The following PTPRD variants were observed in gnomAD, a reference collection of about 807,000 sequenced individuals.
The protein encoded by PTPRD is receptor-type tyrosine-protein phosphatase delta.
PTPRD carries 34 observed loss-of-function variants against 214.5 expected under a neutral mutation model. That is an observed-to-expected ratio of 0.16 (90% CI 0.12 to 0.21). The LOEUF is 0.21. PTPRD is among the 10% of genes least tolerant of loss of function. The pLI is 1.00. For missense variants in PTPRD, 2,545 were observed against 2,398.7 expected (o/e 1.06, Z -1.27); for synonymous variants, 1,128 against 845.7 (o/e 1.33, Z -5.79).
chr9:10,068,261 A>T (rs924506123), intron 3 of PTPRD, among the ~76,000 whole-genome samples: 12 of 151,924 alleles, frequency 7.9e-5, no homozygotes, highest in African/African-American at 2.9e-4. Context: ...CGAATGTGGA[A>T]AAGGTGGTGA....
At chr9:8,983,139 T>A (rs1251385754) in intron 11 of PTPRD, among the ~76,000 whole-genome samples, 1 of 152,106 alleles carries the variant, frequency 6.6e-6, no homozygotes, top group Non-Finnish European at 1.5e-5. Context: ...AACATTTTAG[T>A]GGCTTTTCAT....
chr9:9,772,274 T>C (rs1240399945), intron 5 of PTPRD, among the ~76,000 whole-genome samples: 3 of 152,198 alleles, frequency 2.0e-5, no homozygotes, highest in Non-Finnish European at 2.9e-5. Flanking sequence ...AAATTAACCT[T>C]GCTGATAGCT....
At chr9:9,735,967 G>T (rs2098285887) in intron 6 of PTPRD, among the ~76,000 whole-genome samples, 1 of 152,082 alleles carries the variant, frequency 6.6e-6, no homozygotes, top group South Asian at 2.1e-4. Context: ...TAAACACCTT[G>T]AAGTTAACCA....
intron 2 of PTPRD, among the ~76,000 whole-genome samples, chr9:10,370,192 A>G (rs1598322780): frequency 6.6e-6 from 1 of 152,040 alleles, no homozygotes; most frequent in Non-Finnish European, 1.5e-5. Context: ...TGAGAACATT[A>G]TTTATTTTCA....
chr9:9,499,383 T>C (rs1034113509), intron 8 of PTPRD, among the ~76,000 whole-genome samples: 1 of 152,098 alleles, frequency 6.6e-6, no homozygotes, highest in Non-Finnish European at 1.5e-5. Context: ...CCACTCTGTA[T>C]TTTCTTATAT....
At chr9:8,641,705 G>A (rs747047242) in intron 12 of PTPRD, among the ~76,000 whole-genome samples, 1 of 152,200 alleles carries the variant, frequency 6.6e-6, no homozygotes, top group Non-Finnish European at 1.5e-5. Flanking sequence ...ACAGGCCATA[G>A]CTCCTGGAAT....
At chr9:9,286,019 C>T (rs1949238289) in intron 9 of PTPRD, among the ~76,000 whole-genome samples, 1 of 151,730 alleles carries the variant, frequency 6.6e-6, no homozygotes, top group African/African-American at 2.4e-5. Flanking sequence ...TTTCCATTGC[C>T]ATCCCCCACC....
intron 33 of PTPRD, among the ~76,000 whole-genome samples, chr9:8,456,116 A>G (rs2096190449): frequency 6.6e-6 from 1 of 152,180 alleles, no homozygotes; most frequent in African/African-American, 2.4e-5. Context: ...ACTTGTATAC[A>G]TTTAATTATT....
At chr9:8,678,999 A>G (rs2154370806) in intron 12 of PTPRD, among the ~76,000 whole-genome samples, 1 of 152,348 alleles carries the variant, frequency 6.6e-6, no homozygotes, top group East Asian at 1.9e-4. Context: ...TGCAAATCAG[A>G]AAAACAATCT....
At chr9:8,565,668 G>GA (rs1323953424) in intron 14 of PTPRD, among the ~76,000 whole-genome samples, 4 of 152,018 alleles carry the variant, frequency 2.6e-5, no homozygotes, top group Non-Finnish European at 5.9e-5. Context: ...AAGGAAAAAA[G>GA]AAAAAATACA....
chr9:8,605,939 TTTTG>T (rs1182462849), intron 14 of PTPRD, among the ~76,000 whole-genome samples: 10 of 152,296 alleles, frequency 6.6e-5, no homozygotes, highest in Admixed American at 2.6e-4. Context: ...CTTTGGGTTT[TTTTG>T]TTTTTGTTTT....
At chr9:8,789,048 A>G (rs777625914) in intron 11 of PTPRD, among the ~76,000 whole-genome samples, 1 of 152,220 alleles carries the variant, frequency 6.6e-6, no homozygotes, top group Non-Finnish European at 1.5e-5. Flanking sequence ...TATAAGAAGC[A>G]GTACTGTGAG....
At chr9:9,925,388 G>C (rs182397011) in intron 5 of PTPRD, among the ~76,000 whole-genome samples, 1 of 152,034 alleles carries the variant, frequency 6.6e-6, no homozygotes, top group African/African-American at 2.4e-5. Flanking sequence ...TCTAACAGGA[G>C]GGTGACTGCT....
At chr9:9,992,818 G>A (rs1010762571) in intron 4 of PTPRD, among the ~76,000 whole-genome samples, 3 of 151,772 alleles carry the variant, frequency 2.0e-5, no homozygotes, top group South Asian at 2.1e-4. Context: ...GGAGAGGGGG[G>A]AGGGATAGCA....
intron 2 of PTPRD, among the ~76,000 whole-genome samples, chr9:10,573,142 C>T (rs1044183140): frequency 1.1e-4 from 17 of 151,996 alleles, no homozygotes; most frequent in African/African-American, 4.1e-4. Flanking sequence ...CCAACACCTC[C>T]CCCACAAAAA....
chr9:10,501,663 G>C (rs1409258314), intron 2 of PTPRD, among the ~76,000 whole-genome samples: 1 of 151,968 alleles, frequency 6.6e-6, no homozygotes, highest in Non-Finnish European at 1.5e-5. Context: ...GTATTCTTAA[G>C]AATATATTAT....
intron 10 of PTPRD, among the ~76,000 whole-genome samples, chr9:9,037,212 T>G (rs2099624791): frequency 6.6e-6 from 1 of 152,108 alleles, no homozygotes. Context: ...GAAAGGATTT[T>G]AGAGATAATT....
At chr9:10,325,634 G>A (rs2096629760) in intron 3 of PTPRD, among the ~76,000 whole-genome samples, 1 of 151,866 alleles carries the variant, frequency 6.6e-6, no homozygotes, top group African/African-American at 2.4e-5. Flanking sequence ...AAGTCATGAG[G>A]CATTAAAAAT....
chr9:9,116,557 T>A (rs963415525), intron 10 of PTPRD, among the ~76,000 whole-genome samples: 1 of 152,108 alleles, frequency 6.6e-6, no homozygotes, highest in Non-Finnish European at 1.5e-5. Context: ...AAGCCCAGAC[T>A]TCACCACTAT....
Sources: allele counts gnomAD v4.1 joint callset (sites outside exome capture counted in the v4.1 genomes callset), GRCh38; gene constraint gnomAD v4.1.1; transcripts MANE v1.5; gene names NCBI Gene and HGNC (gene_info 2026-07-23, HGNC 2026-07-21).